Variants in NRG3 observed in about 807,000 individuals in gnomAD.
NRG3 encodes the protein neuregulin 3.
In NRG3, 31 loss-of-function variants were observed where a neutral mutation model predicts 66.9. That is an observed-to-expected ratio of 0.46 (90% CI 0.35 to 0.63). NRG3 has a LOEUF of 0.63. Ranked by LOEUF, NRG3 falls within the 20% of genes least tolerant of loss-of-function variation. The probability of loss-of-function intolerance (pLI) is 0.00; values close to 1 mark genes in which losing one functional copy is unlikely to be tolerated. For missense variants in NRG3, 910 were observed against 878.9 expected (o/e 1.04, Z -0.45); for synonymous variants, 393 against 359.4 (o/e 1.09, Z -1.06).
intron 4 of NRG3, among the ~76,000 whole-genome samples, chr10:82,939,559 T>G (rs377489155): frequency 6.6e-6 from 1 of 151,896 alleles, no homozygotes; most frequent in East Asian, 2.0e-4. Context: ...AAGCTCCGCC[T>G]CCCGGGTTCA....
At chr10:82,637,632 C>G (rs1301083207) in intron 2 of NRG3, among the ~76,000 whole-genome samples, 1 of 152,144 alleles carries the variant, frequency 6.6e-6, no homozygotes, top group Non-Finnish European at 1.5e-5. Context: ...GTCCACAAAA[C>G]AACTGTCTTG....
chr10:82,424,092 C>T (rs2089261997), intron 2 of NRG3, among the ~76,000 whole-genome samples: 1 of 151,980 alleles, frequency 6.6e-6, no homozygotes, highest in African/African-American at 2.4e-5. Context: ...ACTAATGCTT[C>T]TATAGACATT....
intron 1 of NRG3, among the ~76,000 whole-genome samples, chr10:82,165,340 T>A (rs1182385412): frequency 6.6e-6 from 1 of 152,140 alleles, no homozygotes; most frequent in Admixed American, 6.6e-5. Context: ...TAATTATTTA[T>A]TTGCAGACTG....
chr10:82,285,165 A>G (rs1206304417), intron 1 of NRG3, among the ~76,000 whole-genome samples: 1 of 152,150 alleles, frequency 6.6e-6, no homozygotes, highest in Non-Finnish European at 1.5e-5. Context: ...CTGCCTTCTG[A>G]GATGTTTCAG....
chr10:82,701,227 TC>T lies in NRG3; in HGVS notation c.954-37347del, dbSNP rs34041667. 3.3e-5 allele frequency among the ~76,000 whole-genome samples: 5 copies of T among 152,306 alleles called. No individual in the cohort carries two copies. The South Asian group carries it at 1.0e-3, about 32-fold the overall frequency. ...TACCATTTGTTACTTCAAAACTTCT[TC>T]CCTTGTCGGTTTCTTGTACATGTTT... On this transcript the variant is annotated intron_variant, in intron 2 of 8. Transcript: ENST00000372141.
At chr10:82,811,671 A>G (rs1223038988) in intron 3 of NRG3, among the ~76,000 whole-genome samples, 1 of 152,198 alleles carries the variant, frequency 6.6e-6, no homozygotes, top group Non-Finnish European at 1.5e-5. Context: ...TCTCTAAATT[A>G]ATTAGATCCT....
Position 82,233,775 on chromosome 10 carries a change from T to C in NRG3, c.824-124964T>C, listed in dbSNP as rs139128353. On this transcript the variant is annotated intron_variant, in intron 1 of 8. Transcript: ENST00000372141. ...ACCAGAAACCATTGGCTTCTTTAAT[T>C]CCATTACTCTTCCCTTCCTATCCCA... is the stretch of plus-strand genomic sequence containing the variant. 4.7e-3 allele frequency among the ~76,000 whole-genome samples: 708 copies of C among 152,164 alleles called. 8 individuals carry two copies. The highest frequency in any genetic ancestry group is 0.016 in the African/African-American group (669 of 41,524).
At chr10:82,081,870 A>T (rs1201061188) in intron 1 of NRG3, among the ~76,000 whole-genome samples, 1 of 152,146 alleles carries the variant, frequency 6.6e-6, no homozygotes, top group Non-Finnish European at 1.5e-5. Context: ...TAAAACTGCA[A>T]CAAGCCAGGT....
chr10:82,455,861 G>A lies in NRG3; in HGVS notation c.953+96993G>A, dbSNP rs556077687. On this transcript the variant is annotated intron_variant, in intron 2 of 8. Transcript: ENST00000372141. ...TCTCTATCTCCTGACCTCTTGATCC[G>A]CCCACTTCTGCCTCCCAAAGTGCTG... Among the ~76,000 whole-genome samples, 6 of 151,940 alleles carry A rather than the reference G, an allele frequency of 3.9e-5. No homozygotes were observed. In the East Asian group the frequency reaches 7.8e-4, roughly 20 times the overall value.
chr10:82,326,233 TGTTGCA>T (rs2081865918), intron 1 of NRG3, among the ~76,000 whole-genome samples: 1 of 152,198 alleles, frequency 6.6e-6, no homozygotes. Flanking sequence ...TTGACATCTC[TGTTGCA>T]AATGTTTATA....
chr10:82,984,853 A>C (rs762521978), intron 8 of NRG3: 1 of 1,495,868 alleles, frequency 6.7e-7, no homozygotes, highest in Non-Finnish European at 9.1e-7. Context: ...CCTGGACTTA[A>C]AGTAAGAAGA....
At chr10:82,983,878 A>T (rs1853176408) in intron 8 of NRG3, among the ~76,000 whole-genome samples, 1 of 152,204 alleles carries the variant, frequency 6.6e-6, no homozygotes, top group African/African-American at 2.4e-5. Flanking sequence ...GGATGAGCCT[A>T]CAAAGGCCTA....
intron 1 of NRG3, among the ~76,000 whole-genome samples, chr10:82,185,955 G>A (rs1365359595): frequency 6.6e-6 from 1 of 152,042 alleles, no homozygotes; most frequent in African/African-American, 2.4e-5. Context: ...AATATTATTT[G>A]AATAGGTACG....
intron 2 of NRG3, among the ~76,000 whole-genome samples, chr10:82,549,189 T>C (rs2044138834): frequency 6.6e-6 from 1 of 152,314 alleles, no homozygotes; most frequent in African/African-American, 2.4e-5. Context: ...AATATACATG[T>C]GTAAAACACA....
chr10:82,885,530 T>G (rs1228306674), intron 4 of NRG3, among the ~76,000 whole-genome samples: 5 of 152,252 alleles, frequency 3.3e-5, no homozygotes, highest in Non-Finnish European at 5.9e-5. Context: ...TTTGTAAAGC[T>G]TCTGGTTATG....
chr10:82,535,764 T>A (rs1425431240), intron 2 of NRG3, among the ~76,000 whole-genome samples: 3 of 152,208 alleles, frequency 2.0e-5, no homozygotes. Context: ...ATTATTTATA[T>A]TTCAAGATTA....
At chr10:82,566,429 G>A (rs2045408150) in intron 2 of NRG3, among the ~76,000 whole-genome samples, 1 of 151,922 alleles carries the variant, frequency 6.6e-6, no homozygotes, top group Non-Finnish European at 1.5e-5. Flanking sequence ...GACCACCTGA[G>A]AAGTAAAGGA....
intron 1 of NRG3, among the ~76,000 whole-genome samples, chr10:82,270,549 T>C (rs7072463): frequency 0.29 from 43,877 of 151,954 alleles, 6,494 homozygotes; most frequent in African/African-American, 0.32. Flanking sequence ...TTACATTATA[T>C]TCATTTCTTT....
intron 1 of NRG3, among the ~76,000 whole-genome samples, chr10:82,312,844 G>A (rs898233364): frequency 3.3e-5 from 5 of 152,026 alleles, no homozygotes; most frequent in African/African-American, 9.7e-5. Context: ...TGAATAAATG[G>A]TGTTCATGAA....
Sources: allele counts gnomAD v4.1 joint callset (sites outside exome capture counted in the v4.1 genomes callset), GRCh38; gene constraint gnomAD v4.1.1; transcripts MANE v1.5; gene names NCBI Gene and HGNC (gene_info 2026-07-23, HGNC 2026-07-21).